MEP1B: variants seen among roughly 807,000 people sequenced by gnomAD.
MEP1B encodes meprin A subunit beta, also known as N-benzoyl-L-tyrosyl-P-amino-benzoic acid hydrolase subunit beta.
A neutral mutation model predicts 84.6 loss-of-function variants in MEP1B; 80 were observed. The ratio of observed to expected loss-of-function variants is 0.95; its 90% confidence interval spans 0.79 to 1.14. The LOEUF is 1.14. Ranked by LOEUF, MEP1B falls within the 50% of genes most tolerant of loss-of-function variation. The probability of loss-of-function intolerance (pLI) is 0.00; values close to 1 mark genes in which losing one functional copy is unlikely to be tolerated. For missense variants in MEP1B, 766 were observed against 855.1 expected, an observed-to-expected ratio of 0.90 and a Z score of 1.30; for synonymous variants, 273 against 288.1, an observed-to-expected ratio of 0.95 and a Z score of 0.53.
chr18:32,191,759 A>T, intron 1 of MEP1B, 63 bp from the exon 2 acceptor site: 2 of 1,047,482 alleles, frequency 1.9e-6, no homozygotes, highest in Admixed American at 2.3e-5. Flanking sequence ...ATATAAACTG[A>T]ATCCAAGAAG....
intron 12 of MEP1B, 25 bp downstream of exon 12, chr18:32,215,286 ATAAAC>A (rs1201033129): frequency 6.8e-7 from 1 of 1,469,550 alleles, no homozygotes; most frequent in Non-Finnish European, 9.2e-7. Flanking sequence ...ATAGTTTTAT[ATAAAC>A]TAGTTTTTTT....
At chr18:32,200,946 A>G (rs1249407013) in intron 5 of MEP1B, among the ~76,000 whole-genome samples, 2 of 152,116 alleles carry the variant, frequency 1.3e-5, no homozygotes, top group African/African-American at 4.8e-5. Flanking sequence ...AACTTGCCTC[A>G]TTTTCCAAAG....
chr18:32,216,869 A>T (rs1415248834), intron 12 of MEP1B, 122 bp from the exon 13 acceptor site: 6 of 310,930 alleles, frequency 1.9e-5, no homozygotes, highest in East Asian at 1.1e-4. Flanking sequence ...TCTCACCTCT[A>T]AAAAAAAAAA....
At position 32,195,497 on chromosome 18, in the gene MEP1B, C is replaced by T. The variant is rs2040843823; in HGVS notation, c.250+12C>T. ...AGAAGATAGCTTGGGTTAGTATGCACCTTGAAGTATCCATAACTAATGTCT... is the reference window on the plus strand; with the variant it reads ...AGAAGATAGCTTGGGTTAGTATGCATCTTGAAGTATCCATAACTAATGTCT... On this transcript the variant is annotated intron_variant, in intron 5 of 14. Transcript: ENST00000269202. 1 of 1,524,800 alleles carries T rather than the reference C, an allele frequency of 6.6e-7. No homozygotes were observed. Among genetic ancestry groups the T allele is most frequent in the Non-Finnish European group, 9.1e-7 (1 of 1,101,992 alleles). 94.5% of individuals were successfully genotyped at this position (1,524,800 alleles called of 1,614,324 possible).
rs181589519 is a variant in MEP1B, at chr18:32,215,214, G to A, written c.1712G>A (p.Arg571Lys). ...AFITHERLKS[R>K]DFIKGDDVYI... is the part of the protein sequence containing the mutation. ...ATAACCCACGAAAGGCTGAAAAGCA[G>A]AGATTTTATAAAAGGAGATGATGTT... Residue 571 changes from arginine to lysine, a missense_variant, in exon 12 of 15, where the codon AGA (arginine) becomes AAA (lysine). By Grantham distance (26) the Arg-to-Lys change is conservative. Coordinates refer to ENST00000269202, the MANE Select transcript of MEP1B (RefSeq NM_005925.3). 1.5e-4 allele frequency: 239 copies of A among 1,609,816 alleles called. 2 individuals carry two copies. In the East Asian group the frequency reaches 2.7e-3, roughly 18 times the overall value.
In MEP1B at chr18:32,191,819, C is replaced by A; in HGVS notation, c.64-3C>A. 2 of 1,535,200 alleles carry A rather than the reference C, an allele frequency of 1.3e-6. No individual in the cohort carries two copies. The highest frequency in any genetic ancestry group is 1.8e-6 in the Non-Finnish European group (2 of 1,128,396). ...ATGTTTTGTTTATGTGTTTATTTCC[C>A]AGGCAACTCCAGAAAACTTTGGTGA... On this transcript the variant is annotated splice_polypyrimidine_tract_variant and splice_region_variant and intron_variant, in intron 1 of 14. Coordinates refer to ENST00000269202, the MANE Select transcript of MEP1B (RefSeq NM_005925.3).
chr18:32,208,230 G>A lies in MEP1B; in HGVS notation c.878G>A (p.Arg293Lys), dbSNP rs2040986506. Reference protein sequence around the residue: ...ADWQRVSQVPRGPESDHSNMG... With the variant: ...ADWQRVSQVPKGPESDHSNMG... ...TGGCAACGGGTTTCACAGGTTCCCA[G>A]GGGGCCAGAGAGTGATCACTCCAAC... Residue 293 changes from arginine to lysine, a missense_variant, in exon 9 of 15, where the codon AGG (arginine) becomes AAG (lysine). By Grantham distance (26) the Arg-to-Lys change is conservative. Transcript: ENST00000269202. The A allele has an allele frequency of 1.2e-6, 2 of 1,613,896 alleles. No individual in the cohort carries two copies.
chr18:32,206,850 T>C (rs2040970610), intron 7 of MEP1B, among the ~76,000 whole-genome samples: 1 of 152,158 alleles, frequency 6.6e-6, no homozygotes, highest in African/African-American at 2.4e-5. Context: ...GACCTCATGA[T>C]CCGCCTGCCT....
At chr18:32,195,294 T>C in intron 4 of MEP1B, 113 bp from the exon 5 acceptor site, 1 of 665,590 alleles carries the variant, frequency 1.5e-6, no homozygotes, top group Non-Finnish European at 2.7e-6. Flanking sequence ...ACACACAATT[T>C]GTTTGTGCGA....
intron 10 of MEP1B, 25 bp downstream of exon 10, chr18:32,210,741 C>T (rs374410880): frequency 4.2e-5 from 67 of 1,590,656 alleles, no homozygotes; most frequent in Non-Finnish European, 5.6e-5. Flanking sequence ...TCCTTATTGT[C>T]TGGATTTAAA....
At chr18:32,204,804 C>T (rs2040948160) in intron 7 of MEP1B, among the ~76,000 whole-genome samples, 1 of 152,184 alleles carries the variant, frequency 6.6e-6, no homozygotes, top group African/African-American at 2.4e-5. Context: ...TGCTGTGTCA[C>T]ATACCATGAC....
At chr18:32,191,060 A>T (rs1393855601) in intron 1 of MEP1B, among the ~76,000 whole-genome samples, 1 of 152,136 alleles carries the variant, frequency 6.6e-6, no homozygotes, top group Non-Finnish European at 1.5e-5. Flanking sequence ...CATGCAAAGC[A>T]GGTACTGACC....
At chr18:32,202,247 G>A (rs992240350) in intron 5 of MEP1B, among the ~76,000 whole-genome samples, 43 of 152,228 alleles carry the variant, frequency 2.8e-4, no homozygotes, top group African/African-American at 9.6e-4. Flanking sequence ...GATACAGCCC[G>A]TTCCTCCTGG....
intron 10 of MEP1B, 113 bp from the exon 11 acceptor site, chr18:32,213,003 T>C (rs2041043455): frequency 1.1e-6 from 1 of 951,560 alleles, no homozygotes. Flanking sequence ...TTCTGACCTG[T>C]AGAAATAAAT....
chr18:32,207,680 A>G (rs2040980120), intron 8 of MEP1B, among the ~76,000 whole-genome samples: 1 of 152,228 alleles, frequency 6.6e-6, no homozygotes, highest in Non-Finnish European at 1.5e-5. Flanking sequence ...AGATCTAAAA[A>G]CAAATTGGGT....
rs1319086147 is a variant in MEP1B at position 32,196,808 on chromosome 18, G to A, written c.250+1323G>A. 4 of 640,882 alleles carry A rather than the reference G, an allele frequency of 6.2e-6. No individual in the cohort carries two copies. Among genetic ancestry groups the A allele is most frequent in the Admixed American group, 2.2e-5 (1 of 45,398 alleles). 39.7% of individuals were successfully genotyped at this position (640,882 alleles called of 1,614,324 possible). ...GGTGCTCGATGCCCATCACCCGCAC[G>A]CTCATCAGCACTGCCTTCTGCTGGC... On this transcript the variant is annotated intron_variant, in intron 5 of 14. Coordinates refer to ENST00000269202, the MANE Select transcript of MEP1B (RefSeq NM_005925.3). This position sits in a 1 kb window ranked among gnomAD's most constrained non-coding sequence, Gnocchi z 4.4.
Position 32,211,631 on chromosome 18 carries a change from G to C in MEP1B, c.1135+915G>C, listed in dbSNP as rs182528771. ...ATACTTATGTCTTAAGTTAAACACA[G>C]CTTCTGGAGCAATTCCTGAGTGGGA... On this transcript the variant is annotated intron_variant, in intron 10 of 14. Coordinates refer to ENST00000269202, the MANE Select transcript of MEP1B (RefSeq NM_005925.3). Among the ~76,000 whole-genome samples the C allele has an allele frequency of 6.5e-3, 996 of 152,262 alleles. 8 individuals are homozygous for C. The highest frequency in any genetic ancestry group is 0.014 in the South Asian group (67 of 4,826).
At chr18:32,214,849 C>T (rs185712026) in intron 11 of MEP1B, among the ~76,000 whole-genome samples, 21 of 152,200 alleles carry the variant, frequency 1.4e-4, no homozygotes, top group Non-Finnish European at 3.1e-4. Context: ...CTTCTGGTAC[C>T]TCTCCACTCT....
chr18:32,208,419 T>C, intron 9 of MEP1B, 148 bp downstream of exon 9: 1 of 789,570 alleles, frequency 1.3e-6, no homozygotes, highest in Non-Finnish European at 1.9e-6. Flanking sequence ...GCCTTGCACC[T>C]GATAAAGACA....
Sources: allele counts gnomAD v4.1 joint callset (sites outside exome capture counted in the v4.1 genomes callset), GRCh38; gene constraint gnomAD v4.1.1; non-coding constraint Gnocchi (gnomAD v3.1); transcripts MANE v1.5; gene names NCBI Gene and HGNC (gene_info 2026-07-23, HGNC 2026-07-21).